NTRK2: variants seen among roughly 807,000 people sequenced by gnomAD.
NTRK2 encodes BDNF/NT-3 growth factors receptor.
NTRK2 carries 13 observed loss-of-function variants against 94.5 expected under a neutral mutation model. That is an observed-to-expected ratio of 0.14 (90% CI 0.09 to 0.22). The LOEUF (loss-of-function observed/expected upper bound fraction) is 0.22. Ranked by LOEUF, NTRK2 falls within the 10% of genes least tolerant of loss-of-function variation. The probability of loss-of-function intolerance (pLI) is 1.00; values close to 1 mark genes in which losing one functional copy is unlikely to be tolerated. For missense variants in NTRK2, 639 were observed against 1,071.2 expected (o/e 0.60, Z 5.63); for synonymous variants, 372 against 407.4 (o/e 0.91, Z 1.05).
chr9:84,926,106 T>TTCCCTCCC (rs1564470625), intron 14 of NTRK2, among the ~76,000 whole-genome samples: 1 of 108,782 alleles, frequency 9.2e-6, no homozygotes, highest in African/African-American at 3.9e-5. Flanking sequence ...CCTTCCTTCC[T>TTCCCTCCC]TTCCTTCCTT....
intron 13 of NTRK2, among the ~76,000 whole-genome samples, chr9:84,862,110 G>A (rs1473768436): frequency 1.3e-5 from 2 of 152,138 alleles, no homozygotes; most frequent in East Asian, 1.9e-4. Context: ...CTTGACTCTC[G>A]CTAGCTCCAT....
At chr9:85,005,429 A>G (rs1830848468) in intron 17 of NTRK2, among the ~76,000 whole-genome samples, 1 of 152,318 alleles carries the variant, frequency 6.6e-6, no homozygotes, top group African/African-American at 2.4e-5. Flanking sequence ...CTACTTAGTA[A>G]ACGGTAATGA....
At chr9:84,981,919 G>A (rs1001763806) in intron 17 of NTRK2, among the ~76,000 whole-genome samples, 1 of 152,190 alleles carries the variant, frequency 6.6e-6, no homozygotes, top group Non-Finnish European at 1.5e-5. Context: ...TGGGGAAGTG[G>A]GGTGTCAAGC....
At chr9:84,915,626 A>G (rs577729087) in intron 14 of NTRK2, among the ~76,000 whole-genome samples, 2 of 152,262 alleles carry the variant, frequency 1.3e-5, no homozygotes, top group East Asian at 3.9e-4. Context: ...GTTCTTTATA[A>G]ATTACCCAGC....
chr9:84,772,848 T>C (rs897676715), intron 12 of NTRK2, among the ~76,000 whole-genome samples: 4 of 151,564 alleles, frequency 2.6e-5, no homozygotes, highest in Non-Finnish European at 5.9e-5. Context: ...ATTGATGGAG[T>C]GTAAGATATG....
intron 15 of NTRK2, among the ~76,000 whole-genome samples, chr9:84,946,113 T>A (rs2078592491): frequency 1.3e-5 from 2 of 152,174 alleles, no homozygotes; most frequent in Admixed American, 6.5e-5. Context: ...AGTTTTGCAG[T>A]CAGTACATAT....
intron 14 of NTRK2, among the ~76,000 whole-genome samples, chr9:84,916,625 G>C (rs2077401620): frequency 6.6e-6 from 1 of 152,188 alleles, no homozygotes; most frequent in Non-Finnish European, 1.5e-5. Flanking sequence ...ATTAGGAGCA[G>C]GCCTAAGGCT....
intron 15 of NTRK2, 63 bp downstream of exon 15, chr9:84,934,355 CTATTT>C: frequency 6.3e-7 from 1 of 1,582,044 alleles, no homozygotes; most frequent in Non-Finnish European, 8.7e-7. Flanking sequence ...AAATTTAACT[CTATTT>C]TATTATATTT....
chr9:84,725,517 G>A (rs1165317889), intron 8 of NTRK2, among the ~76,000 whole-genome samples: 5 of 152,158 alleles, frequency 3.3e-5, no homozygotes, highest in Admixed American at 1.3e-4. Flanking sequence ...CTGGTGGGAG[G>A]AAGGTAAGTG....
intron 12 of NTRK2, among the ~76,000 whole-genome samples, chr9:84,850,526 ATTATTCCCTTACCCCTAT>A: frequency 1.3e-5 from 2 of 152,288 alleles, no homozygotes; most frequent in Admixed American, 1.3e-4. Flanking sequence ...TTTGGACCTT[ATTATTCCCTTACCCCTAT>A]ATTTACATAA....
chr9:84,754,731 A>G (rs2064931805), intron 12 of NTRK2, among the ~76,000 whole-genome samples: 1 of 152,214 alleles, frequency 6.6e-6, no homozygotes, highest in African/African-American at 2.4e-5. Flanking sequence ...TGAGCTGTTC[A>G]GAATGTTATT....
chr9:85,020,500 A>C, intron 18 of NTRK2, 136 bp downstream of exon 18: 1 of 861,982 alleles, frequency 1.2e-6, no homozygotes, highest in Non-Finnish European at 1.9e-6. Context: ...GCACTTCCCA[A>C]GTAGCCTGCT....
chr9:85,006,250 T>C (rs950858926), intron 17 of NTRK2, among the ~76,000 whole-genome samples: 3 of 152,244 alleles, frequency 2.0e-5, no homozygotes, highest in African/African-American at 4.8e-5. Context: ...GTTTAGCTTC[T>C]CCTGACATGA....
intron 17 of NTRK2, among the ~76,000 whole-genome samples, chr9:84,983,456 A>G (rs1483471193): frequency 6.6e-6 from 1 of 152,214 alleles, no homozygotes; most frequent in Non-Finnish European, 1.5e-5. Context: ...GTCTGACTAT[A>G]AACAACTGTC....
chr9:84,755,525 CTTTTT>C (rs745611460), intron 12 of NTRK2, among the ~76,000 whole-genome samples: 1 of 60,644 alleles, frequency 1.6e-5, no homozygotes, highest in African/African-American at 7.0e-5. Context: ...AGTCCCACCT[CTTTTT>C]TTTTTTTTTT....
chr9:84,721,805 A>T (rs899721068), intron 6 of NTRK2, among the ~76,000 whole-genome samples: 2 of 152,196 alleles, frequency 1.3e-5, no homozygotes, highest in African/African-American at 4.8e-5. Context: ...TAGTAGCTTG[A>T]ATCTTTTTCG....
chr9:84,884,665 C>T lies in NTRK2; in HGVS notation c.1633+17234C>T, dbSNP rs139297954. ...TGCAAAATTGAATTTGCATCTCTGC[C>T]GCCGCTTGTAGAGTTCATTATCTTG... On this transcript the variant is annotated intron_variant, in intron 14 of 18. Coordinates refer to ENST00000277120, the MANE Select transcript of NTRK2 (RefSeq NM_006180.6). Among the ~76,000 whole-genome samples the T allele has an allele frequency of 5.9e-5, 9 of 152,210 alleles. No homozygotes were observed. In the East Asian group the frequency reaches 9.7e-4, roughly 16 times the overall value.
rs539664716 is a variant in NTRK2, at chr9:84,759,217, C to T, written c.1396+7132C>T. On this transcript the variant is annotated intron_variant, in intron 12 of 18. Coordinates refer to ENST00000277120, the MANE Select transcript of NTRK2 (RefSeq NM_006180.6). ...TGGCGATGCTATAGAAAGCTTTTCCCGTGTGTTTGTGAGGTGAGGATCTAC... is the reference window on the plus strand; with the variant it reads ...TGGCGATGCTATAGAAAGCTTTTCCTGTGTGTTTGTGAGGTGAGGATCTAC... 7.9e-5 allele frequency among the ~76,000 whole-genome samples: 12 copies of T among 152,268 alleles called. No homozygotes were observed. The South Asian group carries it at 1.7e-3, about 21-fold the overall frequency.
At chr9:84,704,095 T>C (rs1167465580) in intron 4 of NTRK2, among the ~76,000 whole-genome samples, 1 of 152,220 alleles carries the variant, frequency 6.6e-6, no homozygotes, top group African/African-American at 2.4e-5. Flanking sequence ...TGGCTAATTA[T>C]AGTTTTATTA....
Sources: gnomAD v4.1 joint callset for allele counts (sites outside exome capture counted in the v4.1 genomes callset) on GRCh38, gnomAD v4.1.1 for gene constraint, MANE v1.5 for transcripts, NCBI Gene and HGNC (gene_info 2026-07-23, HGNC 2026-07-21) for gene names.